The following RNF43 variants were observed in gnomAD, a reference collection of about 807,000 sequenced individuals.
The protein encoded by RNF43 is ring finger protein 43, also known as E3 ubiquitin-protein ligase RNF43.
In RNF43, 37 loss-of-function variants were observed where a neutral mutation model predicts 78.4. The observed-to-expected ratio is 0.47, with a 90% CI of 0.36 to 0.62. RNF43 has a LOEUF of 0.62. Among genes scored for constraint, RNF43 ranks in the 20% least tolerant of loss-of-function variants. The pLI is 0.00. For missense variants in RNF43, 774 were observed against 1,007.9 expected (o/e 0.77, Z 3.14); for synonymous variants, 347 against 395.0 (o/e 0.88, Z 1.44).
intron 3 of RNF43, among the ~76,000 whole-genome samples, chr17:58,369,680 T>C (rs899032270): frequency 6.6e-6 from 1 of 152,204 alleles, no homozygotes; most frequent in Non-Finnish European, 1.5e-5. Context: ...AAAGTTCAGC[T>C]CCACCCCTTC....
chr17:58,408,391 G>C (rs968698833), intron 2 of RNF43, among the ~76,000 whole-genome samples: 5 of 152,150 alleles, frequency 3.3e-5, no homozygotes, highest in African/African-American at 1.2e-4. Flanking sequence ...GTGCTTTAGG[G>C]TATCTAAAAA....
intron 2 of RNF43, among the ~76,000 whole-genome samples, chr17:58,411,376 C>T (rs1974021328): frequency 6.6e-6 from 1 of 152,126 alleles, no homozygotes; most frequent in Non-Finnish European, 1.5e-5. Flanking sequence ...GACTGTCTCT[C>T]TAGCTTTGGC....
intron 6 of RNF43, 136 bp from the exon 7 acceptor site, chr17:58,361,080 C>T (rs985476805): frequency 2.3e-5 from 20 of 880,220 alleles, no homozygotes; most frequent in South Asian, 7.3e-5. Context: ...TTCGTCTCCT[C>T]GGAGCTCATA....
At chr17:58,363,033 C>T in intron 5 of RNF43, 1 of 557,072 alleles carries the variant, frequency 1.8e-6, no homozygotes, top group Non-Finnish European at 3.2e-6. Flanking sequence ...CTATTCCATG[C>T]CATGAAGCCA....
At chr17:58,405,443 A>G (rs556462295) in intron 2 of RNF43, among the ~76,000 whole-genome samples, 1 of 152,010 alleles carries the variant, frequency 6.6e-6, no homozygotes, top group African/African-American at 2.4e-5. Context: ...ATATTTTTTC[A>G]TTTGTTTTTT....
intron 2 of RNF43, among the ~76,000 whole-genome samples, chr17:58,396,907 T>C (rs1286552897): frequency 6.6e-6 from 1 of 152,176 alleles, no homozygotes; most frequent in African/African-American, 2.4e-5. Flanking sequence ...TAATTCTCTG[T>C]CACTGGTTGG....
rs146617148 is a variant in RNF43 at position 58,386,773 on chromosome 17, T to C, written c.253-15740A>G. 3.9e-3 allele frequency among the ~76,000 whole-genome samples: 600 copies of C among 152,286 alleles called. 8 individuals carry two copies. Among genetic ancestry groups the C allele is most frequent in the African/African-American group, 0.014 (587 of 41,548 alleles). On this transcript the variant is annotated intron_variant, in intron 2 of 9. Transcript: ENST00000407977. The stretch of plus-strand genomic sequence containing the variant: ...CTTCATCTGAAATGCCCCAAATATC[T>C]CGTTTGTATCTATGTGTGGTAATTT...
At chr17:58,355,337 A>G (rs1287129341) in intron 9 of RNF43, among the ~76,000 whole-genome samples, 1 of 152,234 alleles carries the variant, frequency 6.6e-6, no homozygotes, top group East Asian at 1.9e-4. Flanking sequence ...GAGAGAAAGT[A>G]TGAAAACAAA....
chr17:58,359,326 G>A (rs77908178), intron 8 of RNF43, among the ~76,000 whole-genome samples: 182 of 152,204 alleles, frequency 1.2e-3, no homozygotes, highest in African/African-American at 4.3e-3. Flanking sequence ...GGCCGGGCGC[G>A]GTGGCTCATG....
chr17:58,367,706 G>T (rs1972986371), intron 3 of RNF43, among the ~76,000 whole-genome samples: 1 of 152,238 alleles, frequency 6.6e-6, no homozygotes, highest in South Asian at 2.1e-4. Context: ...TGACTGGACA[G>T]AGGGTGGAGG....
At position 58,353,807 on chromosome 17, in the gene RNF43, G is replaced by C; in HGVS notation, c.*1136C>G. 1 of 201,448 alleles carries C rather than the reference G, an allele frequency of 5.0e-6. No individual in the cohort carries two copies. Among genetic ancestry groups the C allele is most frequent in the Non-Finnish European group, 1.0e-5 (1 of 97,516 alleles). The allele number at this position is 201,448 out of a possible 1,614,324, so 12.5% of individuals were successfully genotyped here. Reference sequence around the variant, plus strand: ...GTCTCCCCACTAACTGAGGGAAAAAGGTTCCCAGGTGGGGTCCTCTGCCCA... The same window carrying C: ...GTCTCCCCACTAACTGAGGGAAAAACGTTCCCAGGTGGGGTCCTCTGCCCA... On this transcript the variant is annotated 3_prime_UTR_variant, in exon 10 of 10. Coordinates refer to ENST00000407977, the MANE Select transcript of RNF43 (RefSeq NM_017763.6).
chr17:58,397,616 T>C (rs1973710351), intron 2 of RNF43, among the ~76,000 whole-genome samples: 1 of 151,704 alleles, frequency 6.6e-6, no homozygotes, highest in South Asian at 2.1e-4. Context: ...TGAGCCGAGA[T>C]TGCACCATTG....
intron 2 of RNF43, among the ~76,000 whole-genome samples, chr17:58,383,580 A>C (rs566076455): frequency 6.6e-6 from 1 of 151,440 alleles, no homozygotes; most frequent in East Asian, 2.0e-4. Context: ...TAGGATTATA[A>C]GCATGAGCCA....
intron 2 of RNF43, among the ~76,000 whole-genome samples, chr17:58,385,924 T>C (rs140731317): frequency 7.3e-5 from 11 of 151,364 alleles, no homozygotes; most frequent in East Asian, 3.9e-4. Context: ...CTGGGAAACA[T>C]AGCAAGACCC....
chr17:58,404,764 C>T (rs1302286351), intron 2 of RNF43, among the ~76,000 whole-genome samples: 1 of 151,950 alleles, frequency 6.6e-6, no homozygotes, highest in African/African-American at 2.4e-5. Flanking sequence ...TTATTTCTTC[C>T]CTTATGGAAT....
In RNF43 at chr17:58,415,409, G is replaced by A. The variant is rs1490147745; in HGVS notation, c.169C>T (p.Pro57Ser). ...IIRVIPLKMD[P>S]TGKLNLTLEG... ...AAAGTGAGATTCAGTTTTCCTGTGG[G>A]GTCCATTTTCAAGGGGATCACTCTG... The change falls in exon 2 of 10, where the codon CCC becomes TCC. Residue 57 changes from proline (P) to serine (S), a missense_variant. Pro to Ser is a moderately conservative substitution (Grantham distance 74, BLOSUM62 -1). Coordinates refer to ENST00000407977, the MANE Select transcript of RNF43 (RefSeq NM_017763.6). 3 of 1,614,156 alleles carry A rather than the reference G, an allele frequency of 1.9e-6. No homozygotes were observed. In the Admixed American group the frequency reaches 5.0e-5, roughly 27 times the overall value.
intron 2 of RNF43, among the ~76,000 whole-genome samples, chr17:58,406,716 A>G (rs531307745): frequency 1.3e-5 from 2 of 152,042 alleles, no homozygotes; most frequent in Admixed American, 6.5e-5. Context: ...AAAAGACTGT[A>G]GAAAATGGTT....
At position 58,358,828 on chromosome 17, in the gene RNF43, A is replaced by C; in HGVS notation, c.953-5T>G. The C allele has an allele frequency of 6.7e-7, 1 of 1,486,300 alleles. No individual in the cohort carries two copies. Among genetic ancestry groups the C allele is most frequent in the South Asian group, 1.4e-5 (1 of 73,080 alleles). The allele number at this position is 1,486,300 out of a possible 1,614,324, so 92.1% of individuals were successfully genotyped here. A position where few individuals can be genotyped will look rare whatever the true frequency, so the allele number is the denominator to read the frequency against. ...ACTGGGAAAATGAATCTCCCTCTGG[A>C]AAAAAGAACCAAGAGCACAGATGTT... On this transcript the variant is annotated splice_region_variant and splice_polypyrimidine_tract_variant and intron_variant, in intron 8 of 9. Transcript: ENST00000407977. This position sits in a 1 kb window ranked among gnomAD's most constrained non-coding sequence, Gnocchi z 6.2.
intron 2 of RNF43, among the ~76,000 whole-genome samples, chr17:58,399,187 C>T (rs1284811979): frequency 6.6e-6 from 1 of 152,034 alleles, no homozygotes; most frequent in African/African-American, 2.4e-5. Context: ...ATGAGGAAAC[C>T]CATAATTACC....
Sources: allele counts gnomAD v4.1 joint callset (sites outside exome capture counted in the v4.1 genomes callset), GRCh38; gene constraint gnomAD v4.1.1; non-coding constraint Gnocchi (gnomAD v3.1); transcripts MANE v1.5; gene names NCBI Gene and HGNC (gene_info 2026-07-23, HGNC 2026-07-21).